The following PCDH11X variants were observed in gnomAD, a reference collection of about 807,000 sequenced individuals.
The protein encoded by PCDH11X is protocadherin 11 X-linked.
In PCDH11X, 18 loss-of-function variants were observed where a neutral mutation model predicts 53.3. That is an observed-to-expected ratio of 0.34 (90% CI 0.23 to 0.50). The LOEUF (loss-of-function observed/expected upper bound fraction) is 0.50, where lower values mean the gene tolerates loss of function less well. Ranked by LOEUF, PCDH11X falls within the 20% of genes least tolerant of loss-of-function variation. The pLI is 0.98. For synonymous variants in PCDH11X, 279 were observed against 393.3 expected (o/e 0.71, Z 3.44); for missense variants, 570 against 1,032.4 (o/e 0.55, Z 6.14).
At position 92,474,962 on chromosome X, in the gene PCDH11X, G is replaced by A. The variant is rs1365140504; in HGVS notation, c.3367+6640G>A. Among the ~76,000 whole-genome samples the A allele has an allele frequency of 3.0e-4, 32 of 105,405 alleles. No individual in the cohort carries two copies. The East Asian group carries it at 8.4e-3, about 28-fold the overall frequency. 91.5% of individuals were successfully genotyped at this position (105,405 alleles called of 115,157 possible). On this transcript the variant is annotated intron_variant, in intron 10 of 10. Transcript: ENST00000682573. ...GGGTGGATCACGAGGTCAGGAGATC[G>A]AGACCATCCCGGCTAAGACGGTGAA...
At chrX:91,924,326 A>G (rs1941855851) in intron 6 of PCDH11X, among the ~76,000 whole-genome samples, 2 of 111,119 alleles carry the variant, frequency 1.8e-5, no homozygotes, top group South Asian at 7.7e-4. Flanking sequence ...GATGGAAGAA[A>G]AGGGCTGTAA....
chrX:92,353,926 A>C (rs961366392), intron 8 of PCDH11X, among the ~76,000 whole-genome samples: 1 of 102,730 alleles, frequency 9.7e-6, no homozygotes, highest in Non-Finnish European at 2.0e-5. Flanking sequence ...CTGTTAAATG[A>C]GGTAAAATCT....
chrX:92,397,373 CTGAT>C (rs755004725), intron 9 of PCDH11X, among the ~76,000 whole-genome samples: 35 of 107,272 alleles, frequency 3.3e-4, no homozygotes, highest in African/African-American at 1.2e-3. Context: ...TTTTTTCTAA[CTGAT>C]TGTTCCATTT....
chrX:92,303,750 T>G (rs1028485023), intron 8 of PCDH11X, among the ~76,000 whole-genome samples: 1 of 111,292 alleles, frequency 9.0e-6, no homozygotes, highest in African/African-American at 3.3e-5. Flanking sequence ...TTTTACATAG[T>G]AATTTTCATA....
At chrX:92,208,023 C>T (rs2148331382) in intron 7 of PCDH11X, among the ~76,000 whole-genome samples, 2 of 108,570 alleles carry the variant, frequency 1.8e-5, no homozygotes, top group South Asian at 8.1e-4. Context: ...GGTGAAACCC[C>T]GTCTCTATTA....
At chrX:92,337,844 A>G (rs1302541296) in intron 8 of PCDH11X, among the ~76,000 whole-genome samples, 1 of 111,708 alleles carries the variant, frequency 9.0e-6, no homozygotes, top group Non-Finnish European at 1.9e-5. Flanking sequence ...ATCTATATCC[A>G]CCACTTACAG....
intron 5 of PCDH11X, among the ~76,000 whole-genome samples, chrX:91,850,401 G>A (rs1937940233): frequency 9.0e-6 from 1 of 111,221 alleles, no homozygotes. Context: ...TAGATGCTGT[G>A]ATAACATATA....
chrX:91,917,016 G>C (rs1371533144), intron 6 of PCDH11X, among the ~76,000 whole-genome samples: 6 of 111,229 alleles, frequency 5.4e-5, no homozygotes. Flanking sequence ...ACATACACAA[G>C]TCAATAAATG....
intron 8 of PCDH11X, among the ~76,000 whole-genome samples, chrX:92,363,461 G>C (rs1401561742): frequency 9.1e-6 from 1 of 109,604 alleles, no homozygotes; most frequent in Non-Finnish European, 1.9e-5. Context: ...TTCATTGTTA[G>C]TGTTTAGAAA....
intron 7 of PCDH11X, among the ~76,000 whole-genome samples, chrX:92,260,577 G>C (rs2067695322): frequency 9.1e-6 from 1 of 110,304 alleles, no homozygotes; most frequent in South Asian, 3.9e-4. Flanking sequence ...CTGATTTTTG[G>C]TTCTCATGAA....
At chrX:92,100,956 C>T (rs1435038175) in intron 6 of PCDH11X, among the ~76,000 whole-genome samples, 2 of 110,863 alleles carry the variant, frequency 1.8e-5, no homozygotes, top group African/African-American at 6.6e-5. Flanking sequence ...TTTGTATGAA[C>T]TGAAAAACTA....
At chrX:92,421,138 T>C (rs1338550319) in intron 9 of PCDH11X, among the ~76,000 whole-genome samples, 14 of 111,776 alleles carry the variant, frequency 1.3e-4, no homozygotes, top group Non-Finnish European at 2.4e-4. Flanking sequence ...TTTTTAACTT[T>C]TAAGTTCAGG....
chrX:92,531,815 G>C (rs1174508490), intron 10 of PCDH11X, among the ~76,000 whole-genome samples: 2 of 111,120 alleles, frequency 1.8e-5, no homozygotes, highest in African/African-American at 6.5e-5. Context: ...ATGCCCAAGG[G>C]ACTGGAAATA....
intron 5 of PCDH11X, among the ~76,000 whole-genome samples, chrX:91,875,810 A>C (rs1939584539): frequency 9.1e-6 from 1 of 110,108 alleles, no homozygotes; most frequent in African/African-American, 3.3e-5. Context: ...GAAATATTGA[A>C]ATTCTTTGTA....
chrX:92,474,381 G>GT (rs957608414), intron 10 of PCDH11X, among the ~76,000 whole-genome samples: 1 of 108,721 alleles, frequency 9.2e-6, no homozygotes, highest in African/African-American at 3.3e-5. Context: ...AGATTATATA[G>GT]TTTTTTTAAT....
At chrX:92,465,899 A>T (rs1349067242) in intron 9 of PCDH11X, among the ~76,000 whole-genome samples, 1 of 111,080 alleles carries the variant, frequency 9.0e-6, no homozygotes, top group African/African-American at 3.3e-5. Flanking sequence ...TCATTAATTC[A>T]GAAAATAATG....
intron 8 of PCDH11X, among the ~76,000 whole-genome samples, chrX:92,316,480 C>G (rs1445365451): frequency 9.0e-6 from 1 of 110,856 alleles, no homozygotes; most frequent in Non-Finnish European, 1.9e-5. Flanking sequence ...TTATTTATCT[C>G]TTCTTAAAAT....
In PCDH11X at chrX:92,103,148, G is replaced by C. The variant is rs1026344374; in HGVS notation, c.3034-98227G>C. 4.5e-5 allele frequency among the ~76,000 whole-genome samples: 5 copies of C among 110,552 alleles called. No individual in the cohort carries two copies. In the East Asian group the frequency reaches 1.4e-3, roughly 32 times the overall value. ...GAGGCTTTGGGTTGGGGAGAAGGGC[G>C]GCAATGAGATGTGGCTGTAGTCCAG... On this transcript the variant is annotated intron_variant, in intron 6 of 10. Transcript: ENST00000682573.
chrX:91,789,200 CAAAAAAAAAAAA>C (rs764959497), intron 1 of PCDH11X, among the ~76,000 whole-genome samples: 6 of 47,225 alleles, frequency 1.3e-4, no homozygotes, highest in Non-Finnish European at 2.5e-4. Flanking sequence ...GACTCCGTCT[CAAAAAAAAAAAA>C]AAAAAAAAAA....
Sources: gnomAD v4.1 joint callset for allele counts (sites outside exome capture counted in the v4.1 genomes callset) on GRCh38, gnomAD v4.1.1 for gene constraint, MANE v1.5 for transcripts, NCBI Gene and HGNC (gene_info 2026-07-23, HGNC 2026-07-21) for gene names.